The following DOCK3 variants were observed in gnomAD, a reference collection of about 807,000 sequenced individuals.
DOCK3 encodes the protein dedicator of cytokinesis protein 3.
Under a neutral mutation model 265.6 loss-of-function variants are expected in DOCK3, and 60 were observed. The observed-to-expected ratio is 0.23, with a 90% CI of 0.18 to 0.28. The LOEUF (loss-of-function observed/expected upper bound fraction) is 0.28. Among genes scored for constraint, DOCK3 ranks in the 10% least tolerant of loss-of-function variants. The pLI, the probability that DOCK3 is intolerant of heterozygous loss-of-function variation, is 1.00. For synonymous variants in DOCK3, 881 were observed against 938.0 expected (o/e 0.94, Z 1.11); for missense variants, 1,981 against 2,594.3 (o/e 0.76, Z 5.14).
chr3:51,250,662 G>A (rs1245834476), intron 22 of DOCK3, among the ~76,000 whole-genome samples: 1 of 152,070 alleles, frequency 6.6e-6, no homozygotes, highest in African/African-American at 2.4e-5. Context: ...GTACTATGAA[G>A]GAAATAAACA....
intron 19 of DOCK3, among the ~76,000 whole-genome samples, chr3:51,229,990 T>G (rs181107143): frequency 3.9e-5 from 6 of 152,338 alleles, no homozygotes; most frequent in Admixed American, 3.3e-4. Context: ...GGTCTTTCTG[T>G]GCCTGACTTA....
At chr3:50,983,405 C>T (rs538772992) in intron 5 of DOCK3, among the ~76,000 whole-genome samples, 13 of 152,226 alleles carry the variant, frequency 8.5e-5, no homozygotes, top group African/African-American at 2.6e-4. Flanking sequence ...CACCCATGGC[C>T]GCCTCTGGAC....
At chr3:51,236,026 C>A (rs768800248) in intron 19 of DOCK3, among the ~76,000 whole-genome samples, 17 of 152,128 alleles carry the variant, frequency 1.1e-4, no homozygotes, top group Non-Finnish European at 2.1e-4. Flanking sequence ...GTTTTTATAT[C>A]AAAATTGCTA....
intron 27 of DOCK3, among the ~76,000 whole-genome samples, chr3:51,309,623 GC>G (rs1195920765): frequency 0.024 from 44 of 1,828 alleles, no homozygotes; most frequent in African/African-American, 0.15. Context: ...GAGAGGGAGA[GC>G]GAGAGCGAGA....
At chr3:50,730,340 G>A (rs1172653547) in intron 1 of DOCK3, among the ~76,000 whole-genome samples, 1 of 150,878 alleles carries the variant, frequency 6.6e-6, no homozygotes, top group Admixed American at 6.6e-5. Flanking sequence ...ATGGGGTTTT[G>A]CCATGTTGGC....
intron 3 of DOCK3, among the ~76,000 whole-genome samples, chr3:50,866,397 A>C (rs1018429203): frequency 3.3e-5 from 5 of 151,992 alleles, no homozygotes; most frequent in African/African-American, 4.8e-5. Context: ...AGGCAGAAGA[A>C]TCCCTTGAAC....
In DOCK3 at chr3:51,380,135, C is replaced by A. The variant is rs782084644; in HGVS notation, c.5511C>A (p.Ser1837=). 14 of 1,613,648 alleles carry A rather than the reference C, an allele frequency of 8.7e-6. No individual in the cohort carries two copies. The East Asian group carries it at 3.1e-4, about 36-fold the overall frequency. The change falls in exon 52 of 53, where the codon TCC becomes TCA. Residue 1837 remains serine, a synonymous_variant. Coordinates refer to ENST00000266037, the MANE Select transcript of DOCK3 (RefSeq NM_004947.5). ...CTGTTCCCTTTGCAGGTCATTACTC[C>A]CTACACTTTGACGCCTTCCACCACC... The part of the protein sequence containing the change: ...NLSVAEKGHY[S]LHFDAFHHPL...
intron 37 of DOCK3, among the ~76,000 whole-genome samples, chr3:51,339,704 G>A (rs534987770): frequency 3.9e-5 from 6 of 152,176 alleles, no homozygotes; most frequent in Non-Finnish European, 7.4e-5. Context: ...TCGGGGTTAC[G>A]TGCATGCATG....
chr3:51,215,575 T>C (rs548700428), intron 14 of DOCK3, among the ~76,000 whole-genome samples: 63 of 152,328 alleles, frequency 4.1e-4, no homozygotes, highest in Non-Finnish European at 7.9e-4. Context: ...AATTCTCTTG[T>C]TGGAAGCATT....
intron 1 of DOCK3, among the ~76,000 whole-genome samples, chr3:50,723,746 A>G (rs2037624394): frequency 6.6e-6 from 1 of 152,228 alleles, no homozygotes. Context: ...TAAAAACCCT[A>G]GAAGAAAACC....
intron 12 of DOCK3, among the ~76,000 whole-genome samples, chr3:51,205,147 G>C (rs992437416): frequency 2.0e-5 from 3 of 151,258 alleles, no homozygotes; most frequent in South Asian, 2.1e-4. Flanking sequence ...GCACATGTAC[G>C]CTAAAACTTA....
At chr3:50,713,846 C>T (rs925397653) in intron 1 of DOCK3, among the ~76,000 whole-genome samples, 2 of 152,050 alleles carry the variant, frequency 1.3e-5, no homozygotes, top group Admixed American at 6.6e-5. Flanking sequence ...GGTAAAGTTA[C>T]AATTTTGCAA....
chr3:51,153,004 T>C (rs997810921), intron 10 of DOCK3, among the ~76,000 whole-genome samples: 2 of 152,220 alleles, frequency 1.3e-5, no homozygotes, highest in African/African-American at 4.8e-5. Flanking sequence ...GCTCAAACAC[T>C]GTGCAGGGAG....
intron 1 of DOCK3, among the ~76,000 whole-genome samples, chr3:50,698,517 G>GTTTTTTTTTTTGTTTTTTTTTTTTTTT (rs2035796568): frequency 5.1e-5 from 1 of 19,506 alleles, no homozygotes; most frequent in Non-Finnish European, 1.2e-4. Flanking sequence ...TATGTTTTTG[G>GTTTTTTTTTTTGTTTTTTTTTTTTTTT]TTTTTTTTTT....
chr3:50,784,025 G>A (rs749385540), intron 2 of DOCK3, among the ~76,000 whole-genome samples: 2 of 151,990 alleles, frequency 1.3e-5, no homozygotes, highest in Non-Finnish European at 2.9e-5. Context: ...CTGCCACCAC[G>A]CCTGGCTAAT....
At chr3:51,122,064 C>T (rs1465693899) in intron 9 of DOCK3, among the ~76,000 whole-genome samples, 3 of 152,148 alleles carry the variant, frequency 2.0e-5, no homozygotes, top group Non-Finnish European at 2.9e-5. Flanking sequence ...AGGCAAGTTT[C>T]CCTATCAGCA....
intron 22 of DOCK3, among the ~76,000 whole-genome samples, chr3:51,252,933 C>T (rs1576550329): frequency 1.3e-5 from 2 of 152,184 alleles, no homozygotes; most frequent in East Asian, 3.9e-4. Flanking sequence ...GCATCCCTGT[C>T]TTGTGCCAGT....
At chr3:50,894,467 AAGG>A (rs1409561641) in intron 4 of DOCK3, among the ~76,000 whole-genome samples, 1 of 152,106 alleles carries the variant, frequency 6.6e-6, no homozygotes, top group Non-Finnish European at 1.5e-5. Flanking sequence ...AAAATGCTGA[AAGG>A]AGTTCTTTAA....
intron 5 of DOCK3, among the ~76,000 whole-genome samples, chr3:51,003,161 A>C (rs759773281): frequency 2.0e-5 from 3 of 152,220 alleles, no homozygotes; most frequent in Non-Finnish European, 1.5e-5. Flanking sequence ...TGATTCATTA[A>C]AAAGTAGTTA....
Sources: gnomAD v4.1 joint callset for allele counts (sites outside exome capture counted in the v4.1 genomes callset) on GRCh38, gnomAD v4.1.1 for gene constraint, MANE v1.5 for transcripts, NCBI Gene and HGNC (gene_info 2026-07-23, HGNC 2026-07-21) for gene names.